Variants in RASGRF2 observed in about 807,000 individuals in gnomAD.
RASGRF2 encodes ras-specific guanine nucleotide-releasing factor 2.
RASGRF2 carries 76 observed loss-of-function variants against 151.0 expected under a neutral mutation model. That is an observed-to-expected ratio of 0.50 (90% CI 0.42 to 0.61). The LOEUF (loss-of-function observed/expected upper bound fraction) is 0.61, where lower values mean the gene tolerates loss of function less well. RASGRF2 is among the 20% of genes least tolerant of loss of function. RASGRF2 has a pLI of 0.00. For missense variants in RASGRF2, 1,148 were observed against 1,564.6 expected (o/e 0.73, Z 4.49); for synonymous variants, 504 against 566.5 (o/e 0.89, Z 1.57).
chr5:80,976,138 C>T (rs1159802119), intron 1 of RASGRF2, among the ~76,000 whole-genome samples: 4 of 152,146 alleles, frequency 2.6e-5, no homozygotes, highest in South Asian at 2.1e-4. Flanking sequence ...CCACCACGCC[C>T]GGCTAAAGCA....
Position 81,215,856 on chromosome 5 carries a change from GTT to G in RASGRF2, c.3355-15_3355-14del, listed in dbSNP as rs745870715. ...AACCATAGTATTTTCATCACACTAAGTTTTTTCTTTTCTTTTTAGACAAAAGC... is the reference window on the plus strand; with the variant it reads ...AACCATAGTATTTTCATCACACTAAGTTTTCTTTTCTTTTTAGACAAAAGC... On this transcript the variant is annotated intron_variant, in intron 23 of 26. Transcript: ENST00000265080. 2 of 1,507,630 alleles carry G rather than the reference GTT, an allele frequency of 1.3e-6. No homozygotes were observed. The allele number at this position is 1,507,630 out of a possible 1,614,324, so 93.4% of individuals were successfully genotyped here.
intron 25 of RASGRF2, 119 bp downstream of exon 25, chr5:81,217,592 T>A: frequency 1.1e-6 from 1 of 921,070 alleles, no homozygotes; most frequent in Non-Finnish European, 1.5e-6. Flanking sequence ...TTTTTTTTTT[T>A]TTTTTGAGAA....
intron 17 of RASGRF2, among the ~76,000 whole-genome samples, chr5:81,153,981 A>G (rs902392222): frequency 2.6e-5 from 4 of 151,828 alleles, no homozygotes; most frequent in Non-Finnish European, 4.4e-5. Flanking sequence ...GGTGTTTTAT[A>G]ATGAAAACAC....
At chr5:81,186,060 A>G (rs1367039434) in intron 18 of RASGRF2, among the ~76,000 whole-genome samples, 1 of 152,210 alleles carries the variant, frequency 6.6e-6, no homozygotes, top group African/African-American at 2.4e-5. Context: ...ATCTATCAAA[A>G]TAGCTCAGCT....
rs377696560 is a variant in RASGRF2, at chr5:81,022,146, C to G, written c.289-20731C>G. Among the ~76,000 whole-genome samples the G allele has an allele frequency of 6.6e-5, 10 of 152,192 alleles. No homozygotes were observed. The South Asian group carries it at 1.9e-3, about 28-fold the overall frequency. ...ATGGTCAGCATGCTACGTGACTCTC[C>G]CTCAGTAGCTGCAGGAGAGTGGGTT... On this transcript the variant is annotated intron_variant, in intron 1 of 26. Coordinates refer to ENST00000265080, the MANE Select transcript of RASGRF2 (RefSeq NM_006909.3).
chr5:81,168,692 T>C (rs1210813974), intron 17 of RASGRF2, among the ~76,000 whole-genome samples: 2 of 152,324 alleles, frequency 1.3e-5, no homozygotes, highest in East Asian at 3.9e-4. Context: ...TTGAAAATAT[T>C]GGCCATACTT....
In RASGRF2 at chr5:80,979,848, C is replaced by T. The variant is rs7726936; in HGVS notation, c.288+18822C>T. Among the ~76,000 whole-genome samples, 816 of 152,266 alleles carry T rather than the reference C, an allele frequency of 5.4e-3. 7 individuals carry two copies. The highest frequency in any genetic ancestry group is 0.019 in the African/African-American group (789 of 41,542). ...TGGTGCTTGGCGTTTGAGGAGTATGCTCTGAAAACCTGCTTGGAAAGATGG... is the reference window on the plus strand; with the variant it reads ...TGGTGCTTGGCGTTTGAGGAGTATGTTCTGAAAACCTGCTTGGAAAGATGG... On this transcript the variant is annotated intron_variant, in intron 1 of 26. Transcript: ENST00000265080.
intron 2 of RASGRF2, among the ~76,000 whole-genome samples, chr5:81,057,833 A>G (rs575440517): frequency 6.6e-6 from 1 of 152,076 alleles, no homozygotes; most frequent in South Asian, 2.1e-4. Context: ...CGTCTCCACA[A>G]AACAATCAAA....
At chr5:81,132,839 G>A (rs1753658115) in intron 17 of RASGRF2, among the ~76,000 whole-genome samples, 1 of 152,030 alleles carries the variant, frequency 6.6e-6, no homozygotes, top group African/African-American at 2.4e-5. Context: ...TACAATTTGG[G>A]GAAACACACC....
chr5:81,105,807 C>T (rs748432456), intron 12 of RASGRF2, among the ~76,000 whole-genome samples: 1 of 152,166 alleles, frequency 6.6e-6, no homozygotes, highest in African/African-American at 2.4e-5. Context: ...TACCCCACCC[C>T]CTGACCCCGC....
chr5:81,054,318 G>A (rs1237244298), intron 2 of RASGRF2, among the ~76,000 whole-genome samples: 1 of 151,540 alleles, frequency 6.6e-6, no homozygotes, highest in Non-Finnish European at 1.5e-5. Flanking sequence ...TGTAAGGAAG[G>A]GATCCAGTTT....
chr5:80,972,179 C>A (rs2112220006), intron 1 of RASGRF2, among the ~76,000 whole-genome samples: 1 of 152,272 alleles, frequency 6.6e-6, no homozygotes, highest in East Asian at 1.9e-4. Flanking sequence ...CATACATGTG[C>A]ATATTTCTGT....
chr5:81,087,642 A>C, intron 9 of RASGRF2: 1 of 490,490 alleles, frequency 2.0e-6, no homozygotes, highest in Non-Finnish European at 3.6e-6. Context: ...TTATTTCAAA[A>C]TGCAAGACGT....
At position 80,982,344 on chromosome 5, in the gene RASGRF2, A is replaced by G. The variant is rs565517265; in HGVS notation, c.288+21318A>G. 3.3e-5 allele frequency among the ~76,000 whole-genome samples: 5 copies of G among 152,224 alleles called. No homozygotes were observed. In the East Asian group the frequency reaches 9.7e-4, roughly 29 times the overall value. On this transcript the variant is annotated intron_variant, in intron 1 of 26. Transcript: ENST00000265080. ...GGGCGGGGGTTAGTAAAGGCTATACATATTCTTGGAAGGGGAAGACCTTTC... is the reference window on the plus strand; with the variant it reads ...GGGCGGGGGTTAGTAAAGGCTATACGTATTCTTGGAAGGGGAAGACCTTTC...
At chr5:81,106,884 A>G (rs760819251) in intron 12 of RASGRF2, among the ~76,000 whole-genome samples, 9 of 152,188 alleles carry the variant, frequency 5.9e-5, no homozygotes, top group Non-Finnish European at 1.0e-4. Context: ...GCATTTCTTC[A>G]GTGTGAAGAA....
chr5:81,086,761 G>A (rs1406509522), intron 8 of RASGRF2, 74 bp from the exon 9 acceptor site: 1 of 1,212,900 alleles, frequency 8.2e-7, no homozygotes, highest in Non-Finnish European at 1.2e-6. Context: ...TTCTCAGATG[G>A]AGCTCTTCTT....
At chr5:81,216,166 G>A (rs1755731474) in intron 24 of RASGRF2, among the ~76,000 whole-genome samples, 1 of 152,098 alleles carries the variant, frequency 6.6e-6, no homozygotes, top group Non-Finnish European at 1.5e-5. Context: ...CTCATGGCAT[G>A]CAGATTAAGA....
intron 17 of RASGRF2, among the ~76,000 whole-genome samples, chr5:81,133,687 G>A (rs1753680337): frequency 6.6e-6 from 1 of 152,152 alleles, no homozygotes; most frequent in South Asian, 2.1e-4. Context: ...GGTTATCTGT[G>A]AGCAGATTAT....
At position 81,002,764 on chromosome 5, in the gene RASGRF2, C is replaced by T. The variant is rs139031402; in HGVS notation, c.289-40113C>T. On this transcript the variant is annotated intron_variant, in intron 1 of 26. Transcript: ENST00000265080. ...TATTGCAAGGTATTATCTTACTAGGCGGAATGAAATAGAATATTTGATAAT... is the reference window on the plus strand; with the variant it reads ...TATTGCAAGGTATTATCTTACTAGGTGGAATGAAATAGAATATTTGATAAT... 1.9e-3 allele frequency among the ~76,000 whole-genome samples: 293 copies of T among 152,020 alleles called. 3 individuals are homozygous for T. Among genetic ancestry groups the T allele is most frequent in the African/African-American group, 4.3e-3 (178 of 41,446 alleles).
Sources: allele counts gnomAD v4.1 joint callset (sites outside exome capture counted in the v4.1 genomes callset), GRCh38; gene constraint gnomAD v4.1.1; transcripts MANE v1.5; gene names NCBI Gene and HGNC (gene_info 2026-07-23, HGNC 2026-07-21).